BZW2: variants seen among roughly 807,000 people sequenced by gnomAD.
The protein encoded by BZW2 is eIF5-mimic protein 1.
BZW2 carries 23 observed loss-of-function variants against 53.2 expected under a neutral mutation model. The observed-to-expected ratio is 0.43, with a 90% CI of 0.31 to 0.61. The LOEUF is 0.61. Ranked by LOEUF, BZW2 falls within the 20% of genes least tolerant of loss-of-function variation. The probability of loss-of-function intolerance (pLI) is 0.09; values close to 1 mark genes in which losing one functional copy is unlikely to be tolerated. For synonymous variants in BZW2, 227 were observed against 186.4 expected (o/e 1.22, Z -1.77); for missense variants, 409 against 503.1 (o/e 0.81, Z 1.79).
chr7:16,656,521 C>T (rs561615974), intron 1 of BZW2, among the ~76,000 whole-genome samples: 15 of 150,580 alleles, frequency 1.0e-4, no homozygotes, highest in Non-Finnish European at 4.4e-5. Context: ...TGTAAGTATC[C>T]TGTTGATCAT....
At chr7:16,689,618 A>G (rs1783238535) in intron 6 of BZW2, among the ~76,000 whole-genome samples, 179 bp from the exon 7 acceptor site, 1 of 152,186 alleles carries the variant, frequency 6.6e-6, no homozygotes, top group South Asian at 2.1e-4. Context: ...TTTTCCTGAA[A>G]ATGTTCTAGT....
chr7:16,666,388 CTTT>C (rs1330238218), intron 2 of BZW2, among the ~76,000 whole-genome samples: 2 of 94,196 alleles, frequency 2.1e-5, no homozygotes, highest in African/African-American at 4.9e-5. Flanking sequence ...GTATAAAAGA[CTTT>C]TATTTATTTA....
Position 16,694,910 on chromosome 7 carries a change from C to G in BZW2, c.728C>G (p.Ser243Cys). 1 of 1,596,160 alleles carries G rather than the reference C, an allele frequency of 6.3e-7. No homozygotes were observed. Among genetic ancestry groups the G allele is most frequent in the East Asian group, 2.2e-5 (1 of 44,632 alleles). The change falls in exon 8 of 12, where the codon TCC becomes TGC. Residue 243 changes from serine to cysteine, a missense_variant. Physicochemically the swap from Ser to Cys is moderately radical, Grantham distance 112. Around this residue, in one of 3 missense-constraint regions of BZW2, gnomAD observed 316 missense variants for 366.8 expected, o/e 0.86. Transcript: ENST00000258761. ...ACTGACGCAGGTCTTAAGGAGCTTT[C>G]CGACTTCCTCCGAGTCCAGCAGTCC... Reference protein sequence around the residue: ...YFTDAGLKELSDFLRVQQSLG... With the variant: ...YFTDAGLKELCDFLRVQQSLG...
rs757211845 is a variant in BZW2, at chr7:16,689,858, C to T, written c.603C>T (p.Asn201=). 2 of 1,612,050 alleles carry T rather than the reference C, an allele frequency of 1.2e-6. No individual in the cohort carries two copies. Among genetic ancestry groups the T allele is most frequent in the Non-Finnish European group, 1.7e-6 (2 of 1,179,028 alleles). ...FKAWMAEKDA[N]SVTSSLRKAN... ...CATGGATGGCAGAAAAAGATGCCAA[C>T]TCTGTTACCTCGTCTTTGAGAAAAG... Residue 201 remains asparagine, a synonymous_variant, in exon 7 of 12, where the codon AAC becomes AAT. Transcript: ENST00000258761.
chr7:16,676,098 C>T lies in BZW2; in HGVS notation c.235+1510C>T, dbSNP rs1037307100. 2.6e-5 allele frequency among the ~76,000 whole-genome samples: 4 copies of T among 152,198 alleles called. No individual in the cohort carries two copies. In the South Asian group the frequency reaches 8.3e-4, roughly 32 times the overall value. On this transcript the variant is annotated intron_variant, in intron 3 of 11. Transcript: ENST00000258761. ...TCTCTCTCGAAAAGAAAAAAGAAAT[C>T]TCTTTACCTCATAAAATTTTGAGAC...
intron 1 of BZW2, among the ~76,000 whole-genome samples, chr7:16,660,352 A>T (rs706027): frequency 0.43 from 63,811 of 149,754 alleles, 14,556 homozygotes; most frequent in African/African-American, 0.57. Context: ...GTGAGCAGAT[A>T]TCACACCCCT....
intron 6 of BZW2, among the ~76,000 whole-genome samples, chr7:16,689,241 A>T (rs929695300): frequency 5.3e-5 from 8 of 152,194 alleles, no homozygotes; most frequent in African/African-American, 1.9e-4. Context: ...AAATAAAAAT[A>T]AAAATAAATA....
intron 1 of BZW2, among the ~76,000 whole-genome samples, chr7:16,660,928 C>T (rs697510): frequency 0.6 from 91,111 of 151,894 alleles, 28,596 homozygotes; most frequent in African/African-American, 0.79. Flanking sequence ...GACCATTTGT[C>T]TGCATATTGT....
intron 1 of BZW2, among the ~76,000 whole-genome samples, chr7:16,654,625 C>G (rs1417634893): frequency 1.3e-5 from 2 of 151,460 alleles, no homozygotes; most frequent in African/African-American, 4.9e-5. Context: ...ACCTCTGCCT[C>G]CAGGGTTCAA....
At chr7:16,668,335 A>G (rs969056904) in intron 2 of BZW2, among the ~76,000 whole-genome samples, 4 of 152,232 alleles carry the variant, frequency 2.6e-5, no homozygotes, top group African/African-American at 7.2e-5. Flanking sequence ...TTGCCTCTGA[A>G]TCACTTGGTG....
intron 1 of BZW2, among the ~76,000 whole-genome samples, chr7:16,654,083 C>CAAAAAAAAA (rs61590306): frequency 8.5e-5 from 7 of 82,534 alleles, no homozygotes; most frequent in Non-Finnish European, 9.0e-5. Context: ...CCCATCTCTA[C>CAAAAAAAAA]AAAAAAAAAA....
chr7:16,682,775 T>A lies in BZW2; in HGVS notation c.340-5T>A, dbSNP rs968050246. The A allele has an allele frequency of 6.4e-7, 1 of 1,552,108 alleles. No individual in the cohort carries two copies. Among genetic ancestry groups the A allele is most frequent in the Non-Finnish European group, 8.7e-7 (1 of 1,147,452 alleles). ...CCTAATATTTAATGGTTGTTTTTTT[T>A]TTAGGTCTTCAATAAACTCATCAGG... On this transcript the variant is annotated splice_region_variant and splice_polypyrimidine_tract_variant and intron_variant, in intron 4 of 11. Coordinates refer to ENST00000258761, the MANE Select transcript of BZW2 (RefSeq NM_014038.3).
intron 8 of BZW2, among the ~76,000 whole-genome samples, chr7:16,695,211 A>G (rs1341426615): frequency 6.6e-6 from 1 of 152,246 alleles, no homozygotes; most frequent in Non-Finnish European, 1.5e-5. Context: ...TGGTCCAGAA[A>G]TTAATAGTGA....
At chr7:16,698,000 T>G (rs755577939) in intron 9 of BZW2, 48 bp from the exon 10 acceptor site, 4 of 1,610,906 alleles carry the variant, frequency 2.5e-6, no homozygotes, top group East Asian at 4.5e-5. Context: ...GTGTCGGCTC[T>G]GTACCTCCCA....
chr7:16,692,822 G>A (rs1562494894), intron 7 of BZW2, among the ~76,000 whole-genome samples: 1 of 152,162 alleles, frequency 6.6e-6, no homozygotes, highest in Admixed American at 6.6e-5. Flanking sequence ...AATGTGGGCT[G>A]TAACTTTCAG....
chr7:16,668,185 GAC>G (rs1782487872), intron 2 of BZW2, among the ~76,000 whole-genome samples: 1 of 152,144 alleles, frequency 6.6e-6, no homozygotes, highest in South Asian at 2.1e-4. Flanking sequence ...TTATTAGTGT[GAC>G]GCTAATTCAC....
rs543542916 is a variant in BZW2, at chr7:16,672,559, T to A, written c.59-1853T>A. Reference sequence around the variant, plus strand: ...TAGAGAGATCTGTGATACAATTTTTTCTTTTGAAGTTTTGGGTTCATCCTT... The same window carrying A: ...TAGAGAGATCTGTGATACAATTTTTACTTTTGAAGTTTTGGGTTCATCCTT... On this transcript the variant is annotated intron_variant, in intron 2 of 11. Transcript: ENST00000258761. Among the ~76,000 whole-genome samples the A allele has an allele frequency of 1.1e-3, 166 of 152,326 alleles. 1 individual carries two copies. Among genetic ancestry groups the A allele is most frequent in the Non-Finnish European group, 1.8e-3 (121 of 68,030 alleles).
Position 16,692,275 on chromosome 7 carries a change from C to G in BZW2, c.651+2369C>G, listed in dbSNP as rs962564563. Among the ~76,000 whole-genome samples, 5 of 152,190 alleles carry G rather than the reference C, an allele frequency of 3.3e-5. No individual in the cohort carries two copies. The South Asian group carries it at 6.2e-4, about 19-fold the overall frequency. On this transcript the variant is annotated intron_variant, in intron 7 of 11. Transcript: ENST00000258761. ...ACAAAGAGAATAGTGATTAAGAAAT[C>G]AAAGATATTGATCTCTTCCATTATT...
intron 4 of BZW2, among the ~76,000 whole-genome samples, chr7:16,682,069 A>AT (rs1251284839): frequency 6.6e-6 from 1 of 152,108 alleles, no homozygotes; most frequent in African/African-American, 2.4e-5. Flanking sequence ...GGGCAACCAT[A>AT]TTTTTTACTC....
Sources: allele counts gnomAD v4.1 joint callset (sites outside exome capture counted in the v4.1 genomes callset), GRCh38; gene constraint gnomAD v4.1.1; regional missense constraint gnomAD v4.1.1; transcripts MANE v1.5; gene names NCBI Gene and HGNC (gene_info 2026-07-23, HGNC 2026-07-21).